The following DPP6 variants were observed in gnomAD, a reference collection of about 807,000 sequenced individuals.
The protein encoded by DPP6 is A-type potassium channel modulatory protein DPP6.
Under a neutral mutation model 122.6 loss-of-function variants are expected in DPP6, and 69 were observed. That is an observed-to-expected ratio of 0.56 (90% CI 0.46 to 0.69). The LOEUF is 0.69. Among genes scored for constraint, DPP6 ranks in the 30% least tolerant of loss-of-function variants. DPP6 has a pLI of 0.00. For missense variants in DPP6, 928 were observed against 1,116.9 expected (o/e 0.83, Z 2.41); for synonymous variants, 418 against 433.1 (o/e 0.97, Z 0.43).
intron 2 of DPP6, among the ~76,000 whole-genome samples, chr7:154,447,523 A>G (rs552259101): frequency 3.3e-5 from 5 of 152,324 alleles, no homozygotes; most frequent in East Asian, 3.9e-4. Flanking sequence ...CAGGTACAAC[A>G]AATGTGGGCA....
rs1189500631 is a variant in DPP6 at position 154,833,212 on chromosome 7, C to T, written c.1667-20568C>T. Among the ~76,000 whole-genome samples, 2 of 152,178 alleles carry T rather than the reference C, an allele frequency of 1.3e-5. No homozygotes were observed. The highest frequency in any genetic ancestry group is 1.3e-4 in the Admixed American group (2 of 15,282). Reference sequence around the variant, plus strand: ...GGAGCAGTGCAGAAGAGTGAGGGTCCCGGGGTCCCAGTGCCCTGCCAGCAT... The same window carrying T: ...GGAGCAGTGCAGAAGAGTGAGGGTCTCGGGGTCCCAGTGCCCTGCCAGCAT... On this transcript the variant is annotated intron_variant, in intron 16 of 25. Transcript: ENST00000377770. The surrounding 1 kb of genome is among the most constrained non-coding windows in gnomAD (Gnocchi z 4.3).
chr7:154,378,836 G>A (rs1056107886), intron 1 of DPP6, among the ~76,000 whole-genome samples: 25 of 152,120 alleles, frequency 1.6e-4, no homozygotes, highest in African/African-American at 5.6e-4. Flanking sequence ...CAACTTCTTC[G>A]CAAGGAGGCA....
In DPP6 at chr7:154,744,041, G is replaced by A. The variant is rs570405706; in HGVS notation, c.883+16154G>A. Among the ~76,000 whole-genome samples the A allele has an allele frequency of 6.6e-5, 10 of 152,264 alleles. No individual in the cohort carries two copies. The South Asian group carries it at 2.1e-3, about 32-fold the overall frequency. ...TGTGTCCCATGGCGTGCAGCTGAGCGGCCTTGGTGCAGAGGTGGATTTGCA... is the reference window on the plus strand; with the variant it reads ...TGTGTCCCATGGCGTGCAGCTGAGCAGCCTTGGTGCAGAGGTGGATTTGCA... On this transcript the variant is annotated intron_variant, in intron 8 of 25. Coordinates refer to ENST00000377770, the MANE Select transcript of DPP6 (RefSeq NM_130797.4).
At chr7:154,566,792 GACTTGTTGTATGTAAT>G in intron 4 of DPP6, 34 bp from the exon 5 acceptor site, 1 of 1,066,358 alleles carries the variant, frequency 9.4e-7, no homozygotes, top group Non-Finnish European at 1.4e-6. Context: ...ATAAGATTCT[GACTTGTTGTATGTAAT>G]GCTTTAAAAT....
At chr7:154,558,655 C>T (rs1288178034) in intron 4 of DPP6, among the ~76,000 whole-genome samples, 1 of 152,200 alleles carries the variant, frequency 6.6e-6, no homozygotes, top group Non-Finnish European at 1.5e-5. Flanking sequence ...GCTGTACAGG[C>T]TTGGAGCCTT....
At chr7:154,003,400 GTATTA>G (rs1167923998) in intron 1 of DPP6, among the ~76,000 whole-genome samples, 5 of 152,194 alleles carry the variant, frequency 3.3e-5, no homozygotes, top group African/African-American at 1.2e-4. Flanking sequence ...AGAGAAATCA[GTATTA>G]TATCAGTTTA....
chr7:154,134,743 C>A (rs944962487), intron 1 of DPP6, among the ~76,000 whole-genome samples: 10 of 152,144 alleles, frequency 6.6e-5, no homozygotes, highest in Admixed American at 1.3e-4. Flanking sequence ...GCTTACACTT[C>A]TTGTGAGTGA....
intron 1 of DPP6, among the ~76,000 whole-genome samples, chr7:154,260,324 A>G (rs2150912475): frequency 6.6e-6 from 1 of 152,188 alleles, no homozygotes; most frequent in Admixed American, 6.5e-5. Flanking sequence ...GTTATTGGGG[A>G]ACAGGTAGTG....
the DPP6 span, among the ~76,000 whole-genome samples, chr7:153,863,280 C>G: frequency 6.6e-6 from 1 of 152,140 alleles, no homozygotes; most frequent in Non-Finnish European, 1.5e-5. Context: ...TTTTTTATGG[C>G]TGCATAGTAT....
chr7:154,010,487 C>T (rs1798109823), intron 1 of DPP6, among the ~76,000 whole-genome samples: 1 of 152,228 alleles, frequency 6.6e-6, no homozygotes, highest in Middle Eastern at 3.2e-3. Flanking sequence ...CTACTGCCTG[C>T]TGCTTCAAAT....
chr7:154,829,062 A>C (rs1030986181), intron 16 of DPP6, among the ~76,000 whole-genome samples: 1 of 152,148 alleles, frequency 6.6e-6, no homozygotes, highest in Non-Finnish European at 1.5e-5. Context: ...CACCCAATGC[A>C]TTTGCCACAT....
chr7:154,312,505 A>G (rs2151000687), intron 1 of DPP6, among the ~76,000 whole-genome samples: 1 of 152,326 alleles, frequency 6.6e-6, no homozygotes, highest in East Asian at 1.9e-4. Context: ...AATTCAAGAA[A>G]AACTGCTTTC....
chr7:154,469,202 AAC>A (rs144979730), intron 2 of DPP6, among the ~76,000 whole-genome samples: 1 of 151,850 alleles, frequency 6.6e-6, no homozygotes. Context: ...GAGAAAGTAA[AAC>A]ACACACACAC....
At chr7:153,935,167 T>G (rs530692603) in intron 1 of DPP6, among the ~76,000 whole-genome samples, 4 of 151,804 alleles carry the variant, frequency 2.6e-5, no homozygotes, top group Non-Finnish European at 5.9e-5. Context: ...CCTCACTTGC[T>G]GGGCTCTGCG....
chr7:154,507,535 G>T (rs1382584867), intron 3 of DPP6, among the ~76,000 whole-genome samples: 1 of 152,182 alleles, frequency 6.6e-6, no homozygotes, highest in Non-Finnish European at 1.5e-5. Flanking sequence ...GAAGACTTTG[G>T]AGAGGTGATT....
At chr7:153,858,425 A>G in the DPP6 span, among the ~76,000 whole-genome samples, 1 of 152,148 alleles carries the variant, frequency 6.6e-6, no homozygotes, top group Admixed American at 6.6e-5. Context: ...CTCCAGGGAA[A>G]TATCTGGACC....
At chr7:153,857,985 T>A in the DPP6 span, among the ~76,000 whole-genome samples, 1 of 152,246 alleles carries the variant, frequency 6.6e-6, no homozygotes, top group African/African-American at 2.4e-5. Context: ...AAATTTGTGA[T>A]GATGTGATCT....
At chr7:153,755,761 C>G in the DPP6 span, among the ~76,000 whole-genome samples, 1 of 150,962 alleles carries the variant, frequency 6.6e-6, no homozygotes, top group Non-Finnish European at 1.5e-5. Flanking sequence ...TCTGTGCTTT[C>G]CACTTTCCAA....
At chr7:153,900,809 T>G (rs1413239099) in intron 1 of DPP6, among the ~76,000 whole-genome samples, 1 of 152,172 alleles carries the variant, frequency 6.6e-6, no homozygotes, top group Non-Finnish European at 1.5e-5. Context: ...TTCAGCCTTA[T>G]CCGTAGCACG....
Sources: gnomAD v4.1 joint callset for allele counts (sites outside exome capture counted in the v4.1 genomes callset) on GRCh38, gnomAD v4.1.1 for gene constraint, Gnocchi (gnomAD v3.1) non-coding constraint, MANE v1.5 for transcripts, NCBI Gene and HGNC (gene_info 2026-07-23, HGNC 2026-07-21) for gene names.